WDR35: variants seen among roughly 807,000 people sequenced by gnomAD.
The protein encoded by WDR35 is WD repeat-containing protein 35.
In WDR35, 118 loss-of-function variants were observed where a neutral mutation model predicts 158.3. That is an observed-to-expected ratio of 0.75 (90% CI 0.64 to 0.87). The LOEUF is 0.87. Among genes scored for constraint, WDR35 ranks in the 40% least tolerant of loss-of-function variants. The pLI is 0.00. For synonymous variants in WDR35, 448 were observed against 476.1 expected, an observed-to-expected ratio of 0.94 and a Z score of 0.77; for missense variants, 1,263 against 1,405.8, an observed-to-expected ratio of 0.90 and a Z score of 1.62.
Position 19,940,683 on chromosome 2 carries a change from TC to T in WDR35, c.1926+1075del, listed in dbSNP as rs565080710. 7.9e-4 allele frequency among the ~76,000 whole-genome samples: 121 copies of T among 152,238 alleles called. 1 individual carries two copies. Among genetic ancestry groups the T allele is most frequent in the African/African-American group, 2.8e-3 (117 of 41,532 alleles). ...CTAATGAGAAAGCCCAGATGCTTCT[TC>T]CTTTGGGGCACCAGTGAGTTTCAAA... is the stretch of plus-strand genomic sequence containing the variant. On this transcript the variant is annotated intron_variant, in intron 17 of 26. Transcript: ENST00000281405.
intron 5 of WDR35, among the ~76,000 whole-genome samples, chr2:19,976,440 G>A (rs1558357418): frequency 1.3e-5 from 2 of 151,914 alleles, no homozygotes; most frequent in Non-Finnish European, 2.9e-5. Flanking sequence ...CACTATTTGG[G>A]TTATGGTTAT....
intron 25 of WDR35, among the ~76,000 whole-genome samples, chr2:19,919,247 G>C (rs1670084430): frequency 6.6e-6 from 1 of 151,868 alleles, no homozygotes; most frequent in Non-Finnish European, 1.5e-5. Flanking sequence ...CAGGCATGGT[G>C]GCGGGCGCCT....
At position 19,973,499 on chromosome 2, in the gene WDR35, T is replaced by C. The variant is rs1672092096; in HGVS notation, c.882+64A>G. The C allele has an allele frequency of 1.9e-6, 3 of 1,606,666 alleles. No individual in the cohort carries two copies. The African/African-American group carries it at 4.0e-5, about 21-fold the overall frequency. On this transcript the variant is annotated intron_variant, in intron 8 of 26. Coordinates refer to ENST00000281405, the MANE Select transcript of WDR35 (RefSeq NM_020779.4). ...TTTACACCGTTTCCTTTGTTATTTTTTCCTCTACCTTACTCACTGCACATT... is the reference window on the plus strand; with the variant it reads ...TTTACACCGTTTCCTTTGTTATTTTCTCCTCTACCTTACTCACTGCACATT...
At chr2:19,985,899 GAAAAAAAAAAA>G (rs70939024) in intron 2 of WDR35, among the ~76,000 whole-genome samples, 13 of 71,166 alleles carry the variant, frequency 1.8e-4, no homozygotes, top group African/African-American at 3.7e-4. Context: ...CCCATCTCGG[GAAAAAAAAAAA>G]AAAAAAAAAA....
Position 19,975,557 on chromosome 2 carries a change from G to A in WDR35, c.543C>T (p.His181=), listed in dbSNP as rs375490063. 8 of 1,613,644 alleles carry A rather than the reference G, an allele frequency of 5.0e-6. No homozygotes were observed. The highest frequency in any genetic ancestry group is 1.3e-5 in the African/African-American group (1 of 74,912). ...TAAAATTTCCTTGATTATCGTAAAT[G>A]TGTATTTCCCCATTTGCCATTCCAA... ...LLFGMANGEI[H]IYDNQGNFMI... is the part of the protein sequence containing the mutation. Residue 181 remains histidine, a synonymous_variant, in exon 6 of 27, where the codon CAC becomes CAT. Coordinates refer to ENST00000281405, the MANE Select transcript of WDR35 (RefSeq NM_020779.4).
Position 19,911,946 on chromosome 2 carries a change from AC to A in WDR35, c.*1611del, listed in dbSNP as rs1458806433. On this transcript the variant is annotated 3_prime_UTR_variant, in exon 27 of 27. Transcript: ENST00000281405. The stretch of plus-strand genomic sequence containing the variant: ...GTGGTGAAGTGTACTTGCCCCTGAC[AC>A]CCTTCTATAGAGCAAGTGTACATCG... 1 of 152,116 alleles carries A rather than the reference AC, an allele frequency of 6.6e-6. No individual in the cohort carries two copies. The highest frequency in any genetic ancestry group is 1.5e-5 in the Non-Finnish European group (1 of 68,018). 9.4% of individuals were successfully genotyped at this position (152,116 alleles called of 1,614,324 possible).
intron 7 of WDR35, among the ~76,000 whole-genome samples, chr2:19,973,988 G>A (rs1672113625): frequency 1.3e-5 from 2 of 151,992 alleles, no homozygotes; most frequent in South Asian, 2.1e-4. Context: ...CACACCTGTG[G>A]TCCCAGCTCC....
chr2:19,952,727 A>G (rs1410811288), intron 12 of WDR35, among the ~76,000 whole-genome samples: 1 of 151,860 alleles, frequency 6.6e-6, no homozygotes, highest in Non-Finnish European at 1.5e-5. Flanking sequence ...CAAAAGATAT[A>G]ACATTTTTCA....
In WDR35 at chr2:19,912,577, A is replaced by G. The variant is rs551860819; in HGVS notation, c.*981T>C. ...CGTATCTCTATGTATTGCCTCTACT[A>G]TATGTAAGCCAAACCTCAATAAAAT... On this transcript the variant is annotated 3_prime_UTR_variant, in exon 27 of 27. Transcript: ENST00000281405. The G allele has an allele frequency of 7.9e-5, 12 of 152,378 alleles. No homozygotes were observed. In the Middle Eastern group the frequency reaches 0.014, roughly 173 times the overall value. 9.4% of individuals were successfully genotyped at this position (152,378 alleles called of 1,614,324 possible).
chr2:19,927,510 A>G (rs902015404), intron 25 of WDR35, among the ~76,000 whole-genome samples: 4 of 152,326 alleles, frequency 2.6e-5, no homozygotes, highest in Admixed American at 2.6e-4. Context: ...CAGGTGGTAG[A>G]TATAATAAGA....
intron 25 of WDR35, among the ~76,000 whole-genome samples, chr2:19,921,387 C>A (rs994832854): frequency 5.9e-5 from 9 of 152,152 alleles, no homozygotes; most frequent in Middle Eastern, 3.4e-3. Flanking sequence ...GATATATAGA[C>A]CAATGGAACA....
intron 22 of WDR35, among the ~76,000 whole-genome samples, chr2:19,932,767 T>C (rs1485239060): frequency 2.0e-5 from 3 of 152,186 alleles, no homozygotes; most frequent in Admixed American, 6.5e-5. Context: ...TTATATGTTA[T>C]AGTAAAACAA....
intron 2 of WDR35, among the ~76,000 whole-genome samples, chr2:19,986,492 G>A (rs376489036): frequency 2.0e-5 from 3 of 152,182 alleles, no homozygotes; most frequent in South Asian, 2.1e-4. Flanking sequence ...AAAGTAGTAC[G>A]TCTAAATATA....
At chr2:19,924,146 T>C (rs1017241118) in intron 25 of WDR35, among the ~76,000 whole-genome samples, 3 of 151,894 alleles carry the variant, frequency 2.0e-5, no homozygotes, top group Non-Finnish European at 2.9e-5. Flanking sequence ...CTTAGAGGAG[T>C]GTGCATTAGA....
chr2:19,963,798 G>A (rs2103440332), intron 10 of WDR35, among the ~76,000 whole-genome samples: 1 of 152,172 alleles, frequency 6.6e-6, no homozygotes, highest in South Asian at 2.1e-4. Flanking sequence ...AGGCTGGAGT[G>A]CAGTGGCACA....
In WDR35 at chr2:19,910,463, T is replaced by C. The variant is rs1376555329; in HGVS notation, c.*3095A>G. 6.6e-6 allele frequency: 1 copy of C among 152,194 alleles called. No homozygotes were observed. The highest frequency in any genetic ancestry group is 1.9e-4 in the East Asian group (1 of 5,198). 9.4% of individuals were successfully genotyped at this position (152,194 alleles called of 1,614,324 possible). On this transcript the variant is annotated 3_prime_UTR_variant, in exon 27 of 27. Transcript: ENST00000281405. Reference sequence around the variant, plus strand: ...GGCACACTGCTTATTTGTACAGCTTTATCAGTCAGTTCCATCATTTCAATA... The same window carrying C: ...GGCACACTGCTTATTTGTACAGCTTCATCAGTCAGTTCCATCATTTCAATA...
In WDR35 at chr2:19,914,154, G is replaced by T. The variant is rs746067475; in HGVS notation, c.3245C>A (p.Ser1082Tyr). Residue 1082 changes from serine to tyrosine, a missense_variant, in exon 26 of 27, where the codon TCT becomes TAT. Ser to Tyr is a moderately radical substitution (Grantham distance 144, BLOSUM62 -2). Coordinates refer to ENST00000281405, the MANE Select transcript of WDR35 (RefSeq NM_020779.4). ...CTGTTCTGAACTGAGGGTCTCTAAA[G>T]ATTTAAGTTTAATGAAAGCTTTTGA... ...TCSKAFIKLKSLETLSSEQKQ... is the reference protein window; with the variant it reads ...TCSKAFIKLKYLETLSSEQKQ... The T allele has an allele frequency of 1.9e-6, 3 of 1,614,180 alleles. No homozygotes were observed.
In WDR35 at chr2:19,936,378, G is replaced by GAATTCATT; in HGVS notation, c.2268-14_2268-13insAATGAATT. On this transcript the variant is annotated splice_polypyrimidine_tract_variant and intron_variant, in intron 19 of 26. Coordinates refer to ENST00000281405, the MANE Select transcript of WDR35 (RefSeq NM_020779.4). ...AATAGCAAGATCCCTACAAACAAAG[G>GAATTCATT]CATTCATTCATTCATTCATCTATTT... 2 of 1,613,710 alleles carry GAATTCATT rather than the reference G, an allele frequency of 1.2e-6. No homozygotes were observed. Among genetic ancestry groups the GAATTCATT allele is most frequent in the Non-Finnish European group, 1.7e-6 (2 of 1,179,782 alleles).
At chr2:19,982,685 A>ATAACAC (rs757704758) in intron 2 of WDR35, 151 bp from the exon 3 acceptor site, 45 of 806,772 alleles carry the variant, frequency 5.6e-5, no homozygotes, top group African/African-American at 8.7e-5. Flanking sequence ...AACATGAACA[A>ATAACAC]TAACACATAC....
Sources: gnomAD v4.1 joint callset for allele counts (sites outside exome capture counted in the v4.1 genomes callset) on GRCh38, gnomAD v4.1.1 for gene constraint, MANE v1.5 for transcripts, NCBI Gene and HGNC (gene_info 2026-07-23, HGNC 2026-07-21) for gene names.